The following KDM4B variants were observed in gnomAD, a reference collection of about 807,000 sequenced individuals.
KDM4B encodes the protein lysine demethylase 4B.
A neutral mutation model predicts 125.2 loss-of-function variants in KDM4B; 32 were observed. That is an observed-to-expected ratio of 0.26 (90% CI 0.19 to 0.34). KDM4B has a LOEUF of 0.34. Ranked by LOEUF, KDM4B falls within the 10% of genes least tolerant of loss-of-function variation. The pLI, the probability that KDM4B is intolerant of heterozygous loss-of-function variation, is 1.00. For synonymous variants in KDM4B, 721 were observed against 677.9 expected, an observed-to-expected ratio of 1.06 and a Z score of -0.99; for missense variants, 1,190 against 1,577.7, an observed-to-expected ratio of 0.75 and a Z score of 4.16.
intron 14 of KDM4B, among the ~76,000 whole-genome samples, chr19:5,134,704 C>T (rs565414553): frequency 2.3e-4 from 35 of 152,354 alleles, no homozygotes; most frequent in African/African-American, 7.7e-4. Flanking sequence ...CATGTCCAGG[C>T]ATCAGCAGAG....
intron 5 of KDM4B, among the ~76,000 whole-genome samples, chr19:5,043,576 T>C (rs1194501122): frequency 9.1e-5 from 13 of 142,722 alleles, no homozygotes; most frequent in African/African-American, 2.4e-4. Flanking sequence ...TCCTGTGTGG[T>C]GTTTATCAGA....
chr19:5,031,683 C>T (rs889198993), intron 2 of KDM4B, among the ~76,000 whole-genome samples: 3 of 152,210 alleles, frequency 2.0e-5, no homozygotes, highest in African/African-American at 2.4e-5. Context: ...GGGGCGACCT[C>T]GGCTTTGCTT....
At chr19:5,004,056 C>A (rs1274487121) in intron 1 of KDM4B, among the ~76,000 whole-genome samples, 1 of 152,184 alleles carries the variant, frequency 6.6e-6, no homozygotes, top group African/African-American at 2.4e-5. Flanking sequence ...TCTCTGTGTA[C>A]TTTGGTACAC....
intron 11 of KDM4B, among the ~76,000 whole-genome samples, chr19:5,130,455 C>G (rs560037534): frequency 6.6e-6 from 1 of 152,314 alleles, no homozygotes; most frequent in South Asian, 2.1e-4. Flanking sequence ...ATTGCTGGCC[C>G]CGGGGAGTTC....
chr19:5,118,829 T>G (rs991651935), intron 10 of KDM4B, among the ~76,000 whole-genome samples: 27 of 152,220 alleles, frequency 1.8e-4, no homozygotes, highest in African/African-American at 6.3e-4. Flanking sequence ...CTCCCCGATG[T>G]ACCCCAGGAT....
chr19:5,058,169 C>T (rs1414249233), intron 6 of KDM4B, among the ~76,000 whole-genome samples: 3 of 152,252 alleles, frequency 2.0e-5, no homozygotes, highest in Non-Finnish European at 4.4e-5. Context: ...CATGTGGGTG[C>T]TGGGTGCCCT....
rs1288422584 is a variant in KDM4B at position 5,035,809 on chromosome 19, A to C, written c.141+2778A>C. 1.3e-5 allele frequency among the ~76,000 whole-genome samples: 2 copies of C among 151,532 alleles called. No individual in the cohort carries two copies. The highest frequency in any genetic ancestry group is 6.6e-5 in the Admixed American group (1 of 15,220). ...CTCAAACCCGTGGAGGGGGCTGGGC[A>C]GTAGGGGGCCGTCCGGGTCCCATGC... On this transcript the variant is annotated intron_variant, in intron 3 of 22. Coordinates refer to ENST00000159111, the MANE Select transcript of KDM4B (RefSeq NM_015015.3). The surrounding 1 kb of genome is among the most constrained non-coding windows in gnomAD (Gnocchi z 5.3).
intron 10 of KDM4B, chr19:5,113,907 G>T (rs1033890298): frequency 8.3e-7 from 1 of 1,202,302 alleles, no homozygotes; most frequent in African/African-American, 1.6e-5. Context: ...GGGTGCGGAT[G>T]GTTCGGCACA....
intron 9 of KDM4B, among the ~76,000 whole-genome samples, chr19:5,105,489 G>A (rs1048312668): frequency 2.0e-5 from 3 of 152,216 alleles, no homozygotes; most frequent in African/African-American, 7.2e-5. Context: ...CTGGAGTGCT[G>A]TGGCATGATC....
chr19:5,045,959 T>G (rs1322388143), intron 5 of KDM4B, among the ~76,000 whole-genome samples: 2 of 152,240 alleles, frequency 1.3e-5, no homozygotes, highest in Non-Finnish European at 2.9e-5. Context: ...TGGTTAAATT[T>G]GAGAGTTTGC....
chr19:5,135,563 TG>T lies in KDM4B; in HGVS notation c.2308+3del. 1 of 1,587,632 alleles carries T rather than the reference TG, an allele frequency of 6.3e-7. No individual in the cohort carries two copies. The highest frequency in any genetic ancestry group is 1.1e-5 in the South Asian group (1 of 88,434). On this transcript the variant is annotated splice_donor_region_variant and intron_variant, in intron 15 of 22. Transcript: ENST00000159111. ...AGTGCTGCCTGCAGGTCCATGCCAG[TG>T]AGTGCCACTGTGGGGCCCAGAGGAG...
Position 5,148,246 on chromosome 19 carries a change from G to C in KDM4B, c.3022-2112G>C, listed in dbSNP as rs182660622. 1.1e-3 allele frequency among the ~76,000 whole-genome samples: 173 copies of C among 152,352 alleles called. 1 individual carries two copies. Among genetic ancestry groups the C allele is most frequent in the African/African-American group, 4.1e-3 (169 of 41,578 alleles). ...AAACGCCGCCTTCAGAACTCGCCCT[G>C]TGGAGACTCATAGTGAAAGCACGTT... On this transcript the variant is annotated intron_variant, in intron 21 of 22. Transcript: ENST00000159111.
intron 22 of KDM4B, 137 bp downstream of exon 22, chr19:5,150,587 C>T (rs1040652026): frequency 3.0e-5 from 19 of 626,690 alleles, no homozygotes; most frequent in East Asian, 2.9e-4. Context: ...GGGTCCCGGC[C>T]GCCCCAGCAC....
At chr19:5,021,040 G>A (rs1029172257) in intron 2 of KDM4B, among the ~76,000 whole-genome samples, 2 of 152,018 alleles carry the variant, frequency 1.3e-5, no homozygotes, top group Non-Finnish European at 2.9e-5. Flanking sequence ...CCAGCTACTC[G>A]GGGGCTGAGG....
chr19:5,095,455 T>C (rs2038801760), intron 9 of KDM4B, among the ~76,000 whole-genome samples: 1 of 152,240 alleles, frequency 6.6e-6, no homozygotes, highest in Admixed American at 6.5e-5. Flanking sequence ...GCTGTTTAAA[T>C]CAGGAAAGGT....
chr19:5,020,504 T>G (rs905809785), intron 2 of KDM4B, among the ~76,000 whole-genome samples: 3 of 152,188 alleles, frequency 2.0e-5, no homozygotes, highest in Non-Finnish European at 2.9e-5. Context: ...CCACCAGCCG[T>G]GCATGAGGGC....
At chr19:5,147,181 C>T (rs1412974394) in intron 21 of KDM4B, among the ~76,000 whole-genome samples, 2 of 152,080 alleles carry the variant, frequency 1.3e-5, no homozygotes, top group African/African-American at 4.8e-5. Context: ...AGTCTCTCTC[C>T]CTCCCTCAAG....
intron 10 of KDM4B, chr19:5,111,396 G>C: frequency 1.3e-6 from 1 of 765,258 alleles, no homozygotes; most frequent in Non-Finnish European, 2.4e-6. Flanking sequence ...GCGTATCGCC[G>C]CACAGACCCT....
At chr19:5,094,275 G>A (rs2038772752) in intron 9 of KDM4B, among the ~76,000 whole-genome samples, 1 of 152,258 alleles carries the variant, frequency 6.6e-6, no homozygotes, top group African/African-American at 2.4e-5. Context: ...CCTCTGTGAG[G>A]CCCCGGGTGC....
Sources: allele counts gnomAD v4.1 joint callset (sites outside exome capture counted in the v4.1 genomes callset), GRCh38; gene constraint gnomAD v4.1.1; non-coding constraint Gnocchi (gnomAD v3.1); transcripts MANE v1.5; gene names NCBI Gene and HGNC (gene_info 2026-07-23, HGNC 2026-07-21).